Variants in HCFC2 observed in about 807,000 individuals in gnomAD.
HCFC2 encodes the protein host cell factor C2.
A neutral mutation model predicts 89.2 loss-of-function variants in HCFC2; 18 were observed. That is an observed-to-expected ratio of 0.20 (90% confidence interval 0.14 to 0.30). The LOEUF is 0.30. Among genes scored for constraint, HCFC2 ranks in the 10% least tolerant of loss-of-function variants. The pLI is 1.00. For synonymous variants in HCFC2, 308 were observed against 335.7 expected (o/e 0.92, Z 0.90); for missense variants, 578 against 956.1 (o/e 0.60, Z 5.21).
chr12:104,079,361 C>A (rs944930735), intron 3 of HCFC2, 84 bp from the exon 4 acceptor site: 55 of 1,121,906 alleles, frequency 4.9e-5, no homozygotes, highest in Middle Eastern at 3.0e-4. Context: ...ACAGTAAGCA[C>A]ATTTTATCTT....
In HCFC2 at chr12:104,082,701, C is replaced by G; in HGVS notation, c.875-12C>G. 2.5e-6 allele frequency: 4 copies of G among 1,601,022 alleles called. No homozygotes were observed. The highest frequency in any genetic ancestry group is 3.4e-6 in the Non-Finnish European group (4 of 1,174,498). On this transcript the variant is annotated splice_polypyrimidine_tract_variant and intron_variant, in intron 6 of 14. Transcript: ENST00000229330. The stretch of plus-strand genomic sequence containing the variant: ...AACAAAAGATTAGTCATGGATATTT[C>G]TATCTTTTCAGATACAACAGAGTGG...
intron 11 of HCFC2, 140 bp from the exon 12 acceptor site, chr12:104,096,220 A>C (rs1884172186): frequency 2.0e-6 from 1 of 493,132 alleles, no homozygotes; most frequent in African/African-American, 1.9e-5. Flanking sequence ...TATTGTGATA[A>C]AATACATGTA....
intron 3 of HCFC2, among the ~76,000 whole-genome samples, chr12:104,069,548 CAT>C (rs1883255517): frequency 6.6e-6 from 1 of 150,484 alleles, no homozygotes; most frequent in East Asian, 1.9e-4. Context: ...AAAGATTTCA[CAT>C]ATGAGATCAT....
At chr12:104,071,576 CTATTT>C (rs1208872384) in intron 3 of HCFC2, among the ~76,000 whole-genome samples, 2 of 150,990 alleles carry the variant, frequency 1.3e-5, no homozygotes, top group South Asian at 2.1e-4. Context: ...ACAGACCTAA[CTATTT>C]TATTTTATTT....
intron 3 of HCFC2, among the ~76,000 whole-genome samples, chr12:104,077,007 T>G (rs1218736484): frequency 6.6e-6 from 1 of 152,218 alleles, no homozygotes; most frequent in Non-Finnish European, 1.5e-5. Context: ...CATCTGTGTC[T>G]GTGTCTGTGT....
chr12:104,067,949 A>C lies in HCFC2; in HGVS notation c.315A>C (p.Ala105=), dbSNP rs1434115415. 2 of 1,568,402 alleles carry C rather than the reference A, an allele frequency of 1.3e-6. No homozygotes were observed. The highest frequency in any genetic ancestry group is 2.4e-5 in the South Asian group (2 of 82,914). Residue 105 remains alanine (A), a splice_region_variant and synonymous_variant, in exon 3 of 15, where the codon GCA becomes GCC. Coordinates refer to ENST00000229330, the MANE Select transcript of HCFC2 (RefSeq NM_013320.3). ...RYSNELYELQ[A]SRWLWKKVKP... is the part of the protein sequence containing the mutation. Reference sequence around the variant, plus strand: ...ATTTGTGCCCTTTTTTTTTTTAGGCAAGTCGTTGGTTATGGAAAAAAGTGA... The same window carrying C: ...ATTTGTGCCCTTTTTTTTTTTAGGCCAGTCGTTGGTTATGGAAAAAAGTGA...
At chr12:104,088,558 G>T (rs1248596557) in intron 9 of HCFC2, among the ~76,000 whole-genome samples, 1 of 152,172 alleles carries the variant, frequency 6.6e-6, no homozygotes, top group Admixed American at 6.5e-5. Context: ...TCTTGGTAGA[G>T]ACTAACGAAT....
Position 104,067,677 on chromosome 12 carries a change from A to T in HCFC2, c.313-270A>T, listed in dbSNP as rs1485016632. ...GTATAATACTTTATTTTTCATTTGG[A>T]AACTACTTTAGAACAGTTAGTGTTT... On this transcript the variant is annotated intron_variant, in intron 2 of 14. Transcript: ENST00000229330. Among the ~76,000 whole-genome samples, 4 of 152,212 alleles carry T rather than the reference A, an allele frequency of 2.6e-5. No individual in the cohort carries two copies. In the East Asian group the frequency reaches 7.7e-4, roughly 29 times the overall value.
rs1227303032 is a variant in HCFC2, at chr12:104,066,331, A to G, written c.312+16A>G. 6.5e-7 allele frequency: 1 copy of G among 1,549,020 alleles called. No individual in the cohort carries two copies. Among genetic ancestry groups the G allele is most frequent in the Non-Finnish European group, 8.7e-7 (1 of 1,145,590 alleles). ...TGAGTTACAAGTAAGTGTATTTAATATTGTTTCATTCTGAGGCTTTAATAA... is the reference window on the plus strand; with the variant it reads ...TGAGTTACAAGTAAGTGTATTTAATGTTGTTTCATTCTGAGGCTTTAATAA... On this transcript the variant is annotated intron_variant, in intron 2 of 14. Coordinates refer to ENST00000229330, the MANE Select transcript of HCFC2 (RefSeq NM_013320.3).
chr12:104,073,765 A>G (rs1215083119), intron 3 of HCFC2, among the ~76,000 whole-genome samples: 5 of 152,180 alleles, frequency 3.3e-5, no homozygotes, highest in South Asian at 4.1e-4. Flanking sequence ...TTGAAATTCC[A>G]TCTCTGTCAT....
intron 13 of HCFC2, among the ~76,000 whole-genome samples, chr12:104,100,595 G>A (rs2029908079): frequency 6.6e-6 from 1 of 151,868 alleles, no homozygotes; most frequent in Non-Finnish European, 1.5e-5. Context: ...TTATTAAATG[G>A]ACAATTTCTG....
intron 3 of HCFC2, among the ~76,000 whole-genome samples, chr12:104,073,150 C>T (rs1883382788): frequency 6.9e-6 from 1 of 145,692 alleles, no homozygotes; most frequent in Admixed American, 6.9e-5. Context: ...AATATGTTTT[C>T]TAAGTCTTCT....
At chr12:104,098,591 T>G in intron 13 of HCFC2, 111 bp downstream of exon 13, 2 of 1,114,846 alleles carry the variant, frequency 1.8e-6, no homozygotes, top group African/African-American at 3.1e-5. Context: ...GATTTCTTTT[T>G]TAGAACCCTG....
chr12:104,100,666 AGGAT>A (rs1283405822), intron 13 of HCFC2, among the ~76,000 whole-genome samples: 2 of 152,192 alleles, frequency 1.3e-5, no homozygotes, highest in African/African-American at 2.4e-5. Flanking sequence ...TGCACAAATG[AGGAT>A]TATATCCTAT....
At chr12:104,072,834 C>T (rs1352229006) in intron 3 of HCFC2, among the ~76,000 whole-genome samples, 1 of 151,710 alleles carries the variant, frequency 6.6e-6, no homozygotes. Flanking sequence ...TTAGTAGAGA[C>T]TGGGTTTCAC....
chr12:104,080,743 T>C lies in HCFC2; in HGVS notation c.683-3T>C, dbSNP rs1187792789. 1.9e-6 allele frequency: 3 copies of C among 1,573,400 alleles called. No homozygotes were observed. Among genetic ancestry groups the C allele is most frequent in the South Asian group, 1.2e-5 (1 of 84,460 alleles). On this transcript the variant is annotated splice_region_variant and splice_polypyrimidine_tract_variant and intron_variant, in intron 4 of 14. Coordinates refer to ENST00000229330, the MANE Select transcript of HCFC2 (RefSeq NM_013320.3). ...TTGCTAATATAATTATTTTTACTTT[T>C]AGAAACTATGTCATGGTCAAAACCA...
At chr12:104,096,544 C>A in intron 12 of HCFC2, 111 bp downstream of exon 12, 3 of 658,746 alleles carry the variant, frequency 4.6e-6, no homozygotes, top group Non-Finnish European at 8.0e-6. Context: ...CAGTAATGAA[C>A]TGACATAAAT....
rs763716087 is a variant in HCFC2 at position 104,096,453 on chromosome 12, A to T, written c.1740+20A>T. ...TTTTCTGTAAGTACATGACCTGGTG[A>T]TGATGCATGTTTACACATGATTATG... On this transcript the variant is annotated intron_variant, in intron 12 of 14. Coordinates refer to ENST00000229330, the MANE Select transcript of HCFC2 (RefSeq NM_013320.3). 6.5e-7 allele frequency: 1 copy of T among 1,549,212 alleles called. No individual in the cohort carries two copies. Among genetic ancestry groups the T allele is most frequent in the Non-Finnish European group, 8.9e-7 (1 of 1,123,972 alleles).
intron 4 of HCFC2, among the ~76,000 whole-genome samples, 176 bp downstream of exon 4, chr12:104,079,829 A>T (rs1883625497): frequency 6.6e-6 from 1 of 152,182 alleles, no homozygotes; most frequent in African/African-American, 2.4e-5. Flanking sequence ...GAGAAAATGA[A>T]TGTTTGGTTT....
Sources: gnomAD v4.1 joint callset for allele counts (sites outside exome capture counted in the v4.1 genomes callset) on GRCh38, gnomAD v4.1.1 for gene constraint, MANE v1.5 for transcripts, NCBI Gene and HGNC (gene_info 2026-07-23, HGNC 2026-07-21) for gene names.